The following P2RY8 variants were observed in gnomAD, a reference collection of about 807,000 sequenced individuals.
P2RY8 encodes the protein S-geranylgeranyl-glutathione receptor P2RY8.
Under a neutral mutation model 10.0 loss-of-function variants are expected in P2RY8, and 6 were observed. The observed-to-expected ratio is 0.60, with a 90% confidence interval of 0.33 to 1.19. The LOEUF is 1.19. Ranked by LOEUF, P2RY8 falls within the 50% of genes most tolerant of loss-of-function variation. P2RY8 has a pLI of 0.04. For synonymous variants in P2RY8, 276 were observed against 252.5 expected (o/e 1.09, Z -0.88); for missense variants, 456 against 542.0 (o/e 0.84, Z 1.58).
At chrX:1,523,338 C>T (rs2092406709) in intron 1 of P2RY8, among the ~76,000 whole-genome samples, 1 of 151,944 alleles carries the variant, frequency 6.6e-6, no homozygotes, top group South Asian at 2.1e-4. Flanking sequence ...TTCCCTGTTC[C>T]CCAATATTCT....
At chrX:1,478,340 G>T (rs1384505314) in intron 1 of P2RY8, among the ~76,000 whole-genome samples, 7 of 151,750 alleles carry the variant, frequency 4.6e-5, no homozygotes, top group African/African-American at 7.3e-5. Context: ...AAACTAGAGA[G>T]ATTGCAGAAG....
At chrX:1,466,749 C>CTCCT (rs2091686217) in intron 1 of P2RY8, among the ~76,000 whole-genome samples, 167 bp from the exon 2 acceptor site, 1 of 143,650 alleles carries the variant, frequency 7.0e-6, no homozygotes, top group Admixed American at 7.2e-5. Context: ...CTTCCCTCTC[C>CTCCT]TCCTTCCTTC....
chrX:1,487,897 T>A (rs2092001048), intron 1 of P2RY8, among the ~76,000 whole-genome samples: 1 of 151,820 alleles, frequency 6.6e-6, no homozygotes. Context: ...GATCACGAGG[T>A]CAGGAGATCG....
intron 1 of P2RY8, among the ~76,000 whole-genome samples, chrX:1,469,890 G>A (rs1371256598): frequency 2.0e-5 from 3 of 151,884 alleles, no homozygotes; most frequent in African/African-American, 7.3e-5. Flanking sequence ...GCAACAGAGC[G>A]AGACTCTGTC....
At chrX:1,466,761 C>G (rs1306693937) in intron 1 of P2RY8, among the ~76,000 whole-genome samples, 179 bp from the exon 2 acceptor site, 3 of 142,546 alleles carry the variant, frequency 2.1e-5, no homozygotes, top group African/African-American at 5.0e-5. Context: ...CCTTCCTTCC[C>G]TCCCTCTCTG....
intron 1 of P2RY8, among the ~76,000 whole-genome samples, chrX:1,493,190 A>C (rs2092071622): frequency 6.7e-6 from 1 of 150,266 alleles, no homozygotes. Flanking sequence ...TGGGAGGCTG[A>C]GGCAGGAGAA....
chrX:1,481,157 G>A (rs1391006562), intron 1 of P2RY8, among the ~76,000 whole-genome samples: 1 of 146,474 alleles, frequency 6.8e-6, no homozygotes, highest in Non-Finnish European at 1.5e-5. Context: ...AGGTCACTCT[G>A]CAGCACGCAA....
intron 1 of P2RY8, among the ~76,000 whole-genome samples, chrX:1,506,760 C>T (rs1225830286): frequency 6.6e-6 from 1 of 151,916 alleles, no homozygotes; most frequent in African/African-American, 2.4e-5. Flanking sequence ...TCACTACAAC[C>T]TCTGCCTCCC....
Position 1,463,324 on chromosome X carries a change from G to A in P2RY8, c.*2155C>T. 4.3e-6 allele frequency: 1 copy of A among 232,966 alleles called. No homozygotes were observed. The highest frequency in any genetic ancestry group is 1.8e-4 in the South Asian group (1 of 5,526). The allele number at this position is 232,966 out of a possible 1,614,324, so 14.4% of individuals were successfully genotyped here. On this transcript the variant is annotated 3_prime_UTR_variant, in exon 2 of 2. Coordinates refer to ENST00000381297, the MANE Select transcript of P2RY8 (RefSeq NM_178129.5). The stretch of plus-strand genomic sequence containing the variant: ...GGAGGTTAATTTTCCTCCTTCTGTG[G>A]AAGTTCTGGGTCTCTTACGCATCCT...
At chrX:1,509,027 C>CATCT (rs1340173761) in intron 1 of P2RY8, among the ~76,000 whole-genome samples, 1,433 of 110,534 alleles carry the variant, frequency 0.013, 3 homozygotes, top group African/African-American at 0.052. Context: ...TCCATCCATC[C>CATCT]ATCCATCCAT....
At chrX:1,536,731 C>T (rs1195618129) in intron 1 of P2RY8, among the ~76,000 whole-genome samples, 190 bp downstream of exon 1, 9 of 152,116 alleles carry the variant, frequency 5.9e-5, no homozygotes, top group African/African-American at 1.9e-4. Context: ...CCCTAAGTGA[C>T]GAAGCGGCTG....
chrX:1,512,760 C>T (rs866622691), intron 1 of P2RY8, among the ~76,000 whole-genome samples: 2 of 152,038 alleles, frequency 1.3e-5, no homozygotes, highest in Non-Finnish European at 2.9e-5. Flanking sequence ...CTTATTTACT[C>T]TCACAGGAAC....
chrX:1,532,364 C>CATATATGTATATGATGTGTAT (rs2092482067), intron 1 of P2RY8, among the ~76,000 whole-genome samples: 1 of 147,600 alleles, frequency 6.8e-6, no homozygotes, highest in African/African-American at 2.5e-5. Context: ...TATATATACA[C>CATATATGTATATGATGTGTAT]ATATACGTAT....
intron 1 of P2RY8, among the ~76,000 whole-genome samples, chrX:1,473,416 G>C (rs376408946): frequency 9.2e-4 from 135 of 146,506 alleles, no homozygotes; most frequent in African/African-American, 3.0e-3. Context: ...TCAGTGTTTA[G>C]ATAGATGGAT....
chrX:1,530,784 A>G (rs1253960536), intron 1 of P2RY8, among the ~76,000 whole-genome samples: 7 of 149,830 alleles, frequency 4.7e-5, no homozygotes, highest in African/African-American at 1.7e-4. Flanking sequence ...TTACGTATGT[A>G]TCTTTTCTAT....
At chrX:1,494,528 A>T (rs28651790) in intron 1 of P2RY8, among the ~76,000 whole-genome samples, 149,636 of 152,070 alleles carry the variant, frequency 0.98, 73,673 homozygotes, top group Middle Eastern at 1. Context: ...TTTTTCAATT[A>T]GGCTTTAAAA....
At chrX:1,473,011 T>C (rs1195187372) in intron 1 of P2RY8, among the ~76,000 whole-genome samples, 2 of 115,912 alleles carry the variant, frequency 1.7e-5, no homozygotes, top group Non-Finnish European at 3.6e-5. Context: ...GATGGGTGGA[T>C]GAATGGTAGG....
At chrX:1,510,673 T>C (rs1272851579) in intron 1 of P2RY8, among the ~76,000 whole-genome samples, 6 of 149,406 alleles carry the variant, frequency 4.0e-5, no homozygotes, top group Non-Finnish European at 8.9e-5. Context: ...ACGTCAGGAG[T>C]TCAAGACCAG....
chrX:1,527,287 A>G (rs769553964), intron 1 of P2RY8, among the ~76,000 whole-genome samples: 38 of 152,032 alleles, frequency 2.5e-4, no homozygotes, highest in African/African-American at 7.5e-4. Context: ...TCATTCATCC[A>G]CTTATTCATT....
Sources: allele counts gnomAD v4.1 joint callset (sites outside exome capture counted in the v4.1 genomes callset), GRCh38; gene constraint gnomAD v4.1.1; transcripts MANE v1.5; gene names NCBI Gene and HGNC (gene_info 2026-07-23, HGNC 2026-07-21).